Variants in ASCC3 observed in about 807,000 individuals in gnomAD.
ASCC3 encodes the protein ASC-1 complex subunit P200.
ASCC3 carries 158 observed loss-of-function variants against 256.3 expected under a neutral mutation model. The ratio of observed to expected loss-of-function variants is 0.62; its 90% CI spans 0.54 to 0.70. ASCC3 has a LOEUF of 0.70. ASCC3 is among the 30% of genes least tolerant of loss of function. The pLI is 0.00. For missense variants in ASCC3, 2,259 were observed against 2,626.0 expected (o/e 0.86, Z 3.05); for synonymous variants, 948 against 883.4 (o/e 1.07, Z -1.30).
At chr6:100,592,772 A>C (rs1562147357) in intron 34 of ASCC3, among the ~76,000 whole-genome samples, 1 of 152,120 alleles carries the variant, frequency 6.6e-6, no homozygotes, top group Non-Finnish European at 1.5e-5. Flanking sequence ...AACTTGAAAA[A>C]GCATGCAACA....
In ASCC3 at chr6:100,644,024, CACTT is replaced by C. The variant is rs754725699; in HGVS notation, c.3732+3_3732+6del. 1.9e-6 allele frequency: 3 copies of C among 1,578,950 alleles called. No individual in the cohort carries two copies. The highest frequency in any genetic ancestry group is 1.1e-5 in the South Asian group (1 of 90,250). ...AAATAAGGATATATTCACATATATA[CACTT>C]ACTTGTTTTTTTAGAGCTAGAAAAT... On this transcript the variant is annotated splice_donor_5th_base_variant and intron_variant, in intron 23 of 41. Transcript: ENST00000369162.
chr6:100,597,073 T>C (rs1176443101), intron 34 of ASCC3, among the ~76,000 whole-genome samples: 1 of 152,188 alleles, frequency 6.6e-6, no homozygotes, highest in African/African-American at 2.4e-5. Context: ...TTTCTTACCT[T>C]TGTCAAGTTT....
At chr6:100,709,511 T>C (rs557921737) in intron 13 of ASCC3, among the ~76,000 whole-genome samples, 2 of 152,252 alleles carry the variant, frequency 1.3e-5, no homozygotes, top group East Asian at 3.9e-4. Context: ...TTTCTCCCTT[T>C]AACAAAGAGA....
intron 21 of ASCC3, among the ~76,000 whole-genome samples, 185 bp downstream of exon 21, chr6:100,647,041 T>C (rs1328029345): frequency 1.3e-5 from 2 of 152,184 alleles, no homozygotes; most frequent in African/African-American, 4.8e-5. Flanking sequence ...TTTAAACTAC[T>C]ATAAACAGAC....
chr6:100,579,187 T>C (rs1276502986), intron 36 of ASCC3, among the ~76,000 whole-genome samples: 1 of 100,188 alleles, frequency 1.0e-5, no homozygotes, highest in Non-Finnish European at 2.2e-5. Flanking sequence ...GGGTTGTTTG[T>C]TTTTTTTTTT....
At chr6:100,800,639 T>C in intron 5 of ASCC3, 135 bp from the exon 6 acceptor site, 1 of 707,776 alleles carries the variant, frequency 1.4e-6, no homozygotes, top group Non-Finnish European at 2.3e-6. Flanking sequence ...GCAAATTCAA[T>C]TATATGTTTT....
rs979487032 is a variant in ASCC3 at position 100,621,557 on chromosome 6, A to G, written c.4785+3635T>C. Among the ~76,000 whole-genome samples, 14 of 152,340 alleles carry G rather than the reference A, an allele frequency of 9.2e-5. No homozygotes were observed. In the South Asian group the frequency reaches 2.9e-3, roughly 32 times the overall value. On this transcript the variant is annotated intron_variant, in intron 30 of 41. Coordinates refer to ENST00000369162, the MANE Select transcript of ASCC3 (RefSeq NM_006828.4). ...AGTGAGGTACCATCTCACATCAGTC[A>G]GAATGGCAATTATTAAAAAGTCCAG...
chr6:100,618,789 T>C (rs1773797908), intron 30 of ASCC3, among the ~76,000 whole-genome samples: 1 of 152,178 alleles, frequency 6.6e-6, no homozygotes, highest in South Asian at 2.1e-4. Context: ...GGCACTTACT[T>C]TGGATTTTAA....
At chr6:100,765,857 T>C (rs1306808012) in intron 10 of ASCC3, among the ~76,000 whole-genome samples, 2 of 152,228 alleles carry the variant, frequency 1.3e-5, no homozygotes, top group Non-Finnish European at 2.9e-5. Context: ...GTCTGCCCAT[T>C]GTTTAAAAAG....
intron 36 of ASCC3, among the ~76,000 whole-genome samples, chr6:100,561,138 A>AG (rs1769925335): frequency 6.6e-6 from 1 of 152,036 alleles, no homozygotes. Flanking sequence ...GAAAAAAAAA[A>AG]AAAACCATTG....
intron 34 of ASCC3, among the ~76,000 whole-genome samples, chr6:100,592,802 T>A (rs1476503513): frequency 1.3e-5 from 2 of 152,068 alleles, no homozygotes; most frequent in Non-Finnish European, 2.9e-5. Context: ...AAAGGTCTGT[T>A]TTCATGTTGC....
At chr6:100,545,322 C>T (rs1363674762) in intron 36 of ASCC3, among the ~76,000 whole-genome samples, 7 of 152,152 alleles carry the variant, frequency 4.6e-5, no homozygotes, top group Non-Finnish European at 7.4e-5. Context: ...GGACTACAGG[C>T]GTGTGCCAGC....
intron 1 of ASCC3, among the ~76,000 whole-genome samples, chr6:100,876,945 C>A (rs531556392): frequency 1.3e-5 from 2 of 152,110 alleles, no homozygotes; most frequent in African/African-American, 4.8e-5. Context: ...CTGATGGTAG[C>A]ATATTTCCTT....
chr6:100,540,389 TG>T lies in ASCC3; in HGVS notation c.5551-3del, dbSNP rs1775395989. The T allele has an allele frequency of 6.3e-7, 1 of 1,578,576 alleles. No homozygotes were observed. Among genetic ancestry groups the T allele is most frequent in the Non-Finnish European group, 8.6e-7 (1 of 1,164,586 alleles). On this transcript the variant is annotated splice_polypyrimidine_tract_variant and splice_region_variant and intron_variant, in intron 36 of 41. Transcript: ENST00000369162. ...CAAATCTGTATATTCTTCTGCATCC[TG>T]AAAAAAAAAAAAAGCCCCACATTGT...
chr6:100,851,923 T>A (rs1772692581), intron 3 of ASCC3, among the ~76,000 whole-genome samples: 1 of 152,096 alleles, frequency 6.6e-6, no homozygotes, highest in South Asian at 2.1e-4. Flanking sequence ...CACCCCGGCT[T>A]GTCTTCCCTA....
chr6:100,679,857 C>T (rs1018292995), intron 13 of ASCC3, 105 bp from the exon 14 acceptor site: 1 of 1,281,890 alleles, frequency 7.8e-7, no homozygotes, highest in Admixed American at 1.8e-5. Flanking sequence ...TTTCTCAAAA[C>T]ATAATCACAA....
chr6:100,863,424 T>C (rs986010370), intron 3 of ASCC3, among the ~76,000 whole-genome samples: 12 of 152,212 alleles, frequency 7.9e-5, no homozygotes, highest in Non-Finnish European at 1.5e-4. Context: ...CTGAGCTACA[T>C]AGCTTTTAAG....
intron 4 of ASCC3, among the ~76,000 whole-genome samples, chr6:100,845,348 C>G (rs1000784596): frequency 5.3e-5 from 8 of 152,132 alleles, no homozygotes; most frequent in African/African-American, 1.9e-4. Context: ...GTTAGAAAAA[C>G]TTCTCAAAAC....
intron 8 of ASCC3, among the ~76,000 whole-genome samples, chr6:100,770,842 CTTTT>C (rs34601702): frequency 7.0e-6 from 1 of 141,848 alleles, no homozygotes. Context: ...CTTAAGATGT[CTTTT>C]TTTTTTTTTT....
Sources: allele counts gnomAD v4.1 joint callset (sites outside exome capture counted in the v4.1 genomes callset), GRCh38; gene constraint gnomAD v4.1.1; transcripts MANE v1.5; gene names NCBI Gene and HGNC (gene_info 2026-07-23, HGNC 2026-07-21).